CNTN5: variants seen among roughly 807,000 people sequenced by gnomAD.
The protein encoded by CNTN5 is contactin 5.
CNTN5 carries 77 observed loss-of-function variants against 129.1 expected under a neutral mutation model. The observed-to-expected ratio is 0.60, with a 90% CI of 0.50 to 0.72. The LOEUF is 0.72. Ranked by LOEUF, CNTN5 falls within the 30% of genes least tolerant of loss-of-function variation. The probability of loss-of-function intolerance (pLI) is 0.00; values close to 1 mark genes in which losing one functional copy is unlikely to be tolerated. For missense variants in CNTN5, 1,478 were observed against 1,328.8 expected (o/e 1.11, Z -1.75); for synonymous variants, 509 against 465.6 (o/e 1.09, Z -1.20).
intron 2 of CNTN5, among the ~76,000 whole-genome samples, chr11:99,549,052 T>A (rs1948393376): frequency 6.6e-6 from 1 of 151,744 alleles, no homozygotes; most frequent in South Asian, 2.1e-4. Context: ...TTTTAGGTAA[T>A]CTTTTTATTC....
chr11:99,819,442 AAAG>A (rs879012990), intron 3 of CNTN5, 99 bp from the exon 4 acceptor site: 82 of 976,808 alleles, frequency 8.4e-5, no homozygotes, highest in Non-Finnish European at 1.1e-4. Context: ...TTGCAGCTCC[AAAG>A]AAGGTTTTTA....
At chr11:100,028,935 C>T (rs1457197125) in intron 9 of CNTN5, among the ~76,000 whole-genome samples, 1 of 152,152 alleles carries the variant, frequency 6.6e-6, no homozygotes, top group Non-Finnish European at 1.5e-5. Flanking sequence ...TTTACTCTGG[C>T]TGCTGTTAAT....
intron 23 of CNTN5, 114 bp downstream of exon 23, chr11:100,341,319 C>A (rs1287914855): frequency 2.7e-6 from 2 of 732,234 alleles, no homozygotes; most frequent in African/African-American, 3.5e-5. Flanking sequence ...TTTTCTCAGT[C>A]ATTTTCTATC....
chr11:99,465,003 T>A (rs1392363853), intron 2 of CNTN5, among the ~76,000 whole-genome samples: 2 of 152,202 alleles, frequency 1.3e-5, no homozygotes, highest in African/African-American at 4.8e-5. Flanking sequence ...ATATGCAAGA[T>A]AACCAAATAT....
chr11:100,217,468 G>A (rs757315873), intron 15 of CNTN5, among the ~76,000 whole-genome samples: 1 of 152,182 alleles, frequency 6.6e-6, no homozygotes, highest in African/African-American at 2.4e-5. Context: ...TCCATAAAAT[G>A]TATAGCTACT....
chr11:99,927,032 A>G (rs897429754), intron 7 of CNTN5, among the ~76,000 whole-genome samples: 3 of 152,204 alleles, frequency 2.0e-5, no homozygotes, highest in Admixed American at 1.3e-4. Context: ...AAAGTAATCA[A>G]TTAGTCATTA....
chr11:99,307,830 C>T (rs144434600), intron 1 of CNTN5, among the ~76,000 whole-genome samples: 4 of 152,132 alleles, frequency 2.6e-5, no homozygotes, highest in East Asian at 1.9e-4. Flanking sequence ...TACAAGAGGG[C>T]CATGGGAATA....
intron 1 of CNTN5, among the ~76,000 whole-genome samples, chr11:99,100,262 T>C (rs1274189728): frequency 1.3e-5 from 2 of 152,032 alleles, no homozygotes; most frequent in Non-Finnish European, 2.9e-5. Flanking sequence ...TTGCCAGCCC[T>C]GCTCCCAAGG....
intron 13 of CNTN5, among the ~76,000 whole-genome samples, chr11:100,162,732 T>C (rs976555956): frequency 6.6e-6 from 1 of 151,916 alleles, no homozygotes; most frequent in Admixed American, 6.6e-5. Context: ...TGATATTTCA[T>C]CTCTTGTTTG....
intron 3 of CNTN5, among the ~76,000 whole-genome samples, chr11:99,601,308 G>A (rs1189001750): frequency 6.6e-6 from 1 of 152,004 alleles, no homozygotes; most frequent in Non-Finnish European, 1.5e-5. Flanking sequence ...TCCCTTCTAA[G>A]TCCACTTAGT....
intron 13 of CNTN5, among the ~76,000 whole-genome samples, chr11:100,169,209 A>C (rs1947749332): frequency 6.6e-6 from 1 of 152,010 alleles, no homozygotes; most frequent in Non-Finnish European, 1.5e-5. Flanking sequence ...AAACTGTGGC[A>C]GGGTTTGAAG....
At chr11:99,943,350 G>T (rs1042740554) in intron 7 of CNTN5, among the ~76,000 whole-genome samples, 1 of 152,064 alleles carries the variant, frequency 6.6e-6, no homozygotes, top group Non-Finnish European at 1.5e-5. Flanking sequence ...AGAAGTGTTT[G>T]TTCATATCCC....
chr11:100,122,844 C>A (rs1412404228), intron 13 of CNTN5, among the ~76,000 whole-genome samples: 3 of 152,002 alleles, frequency 2.0e-5, no homozygotes, highest in African/African-American at 7.2e-5. Flanking sequence ...TTGATATTAT[C>A]ATACTCATGT....
chr11:99,863,735 CTAAAA>C (rs1048609757), intron 6 of CNTN5, among the ~76,000 whole-genome samples: 1 of 152,154 alleles, frequency 6.6e-6, no homozygotes, highest in African/African-American at 2.4e-5. Context: ...TTAGCCTAAA[CTAAAA>C]TAAGTTGAAT....
chr11:99,271,941 A>G (rs1863192014), intron 1 of CNTN5, among the ~76,000 whole-genome samples: 2 of 151,918 alleles, frequency 1.3e-5, no homozygotes, highest in African/African-American at 4.8e-5. Flanking sequence ...AGAAGTTACT[A>G]AGAAATGCAC....
At chr11:99,800,488 TTTCTTTG>T (rs1946079779) in intron 3 of CNTN5, among the ~76,000 whole-genome samples, 1 of 152,116 alleles carries the variant, frequency 6.6e-6, no homozygotes, top group Non-Finnish European at 1.5e-5. Flanking sequence ...AGGTCTGGGA[TTTCTTTG>T]TTAGTTTTGG....
chr11:99,134,352 C>G (rs1676098467), intron 1 of CNTN5, among the ~76,000 whole-genome samples: 1 of 152,148 alleles, frequency 6.6e-6, no homozygotes. Context: ...CACCATGGCA[C>G]ACGTTTACCT....
At chr11:99,248,289 G>A (rs1010322440) in intron 1 of CNTN5, among the ~76,000 whole-genome samples, 3 of 152,200 alleles carry the variant, frequency 2.0e-5, no homozygotes, top group Admixed American at 1.3e-4. Flanking sequence ...CATATCCTTT[G>A]CCCACTTTTT....
chr11:99,256,185 T>A (rs1177026575), intron 1 of CNTN5, among the ~76,000 whole-genome samples: 1 of 152,140 alleles, frequency 6.6e-6, no homozygotes, highest in African/African-American at 2.4e-5. Context: ...GTTTTACCCA[T>A]TTTAGAGGTT....
Sources: gnomAD v4.1 joint callset for allele counts (sites outside exome capture counted in the v4.1 genomes callset) on GRCh38, gnomAD v4.1.1 for gene constraint, MANE v1.5 for transcripts, NCBI Gene and HGNC (gene_info 2026-07-23, HGNC 2026-07-21) for gene names.